Variants in MARCHF1 observed in about 807,000 individuals in gnomAD.
MARCHF1 encodes E3 ubiquitin-protein ligase MARCHF1.
In MARCHF1, 40 loss-of-function variants were observed where a neutral mutation model predicts 54.2. That is an observed-to-expected ratio of 0.74 (90% confidence interval 0.57 to 0.96). MARCHF1 has a LOEUF of 0.96. MARCHF1 is among the 40% of genes least tolerant of loss of function. MARCHF1 has a pLI of 0.00. For missense variants in MARCHF1, 586 were observed against 656.5 expected, an observed-to-expected ratio of 0.89 and a Z score of 1.17; for synonymous variants, 236 against 236.3, an observed-to-expected ratio of 1.00 and a Z score of 0.01.
intron 4 of MARCHF1, among the ~76,000 whole-genome samples, chr4:163,748,349 T>C (rs1746421178): frequency 6.6e-6 from 1 of 151,572 alleles, no homozygotes; most frequent in African/African-American, 2.4e-5. Context: ...TACATTTAAC[T>C]ATTCTAGGTC....
At chr4:163,540,358 G>A (rs1311628829) in intron 9 of MARCHF1, among the ~76,000 whole-genome samples, 2 of 152,198 alleles carry the variant, frequency 1.3e-5, no homozygotes, top group Admixed American at 1.3e-4. Context: ...GAACTACGAA[G>A]TGTGTGTATA....
intron 8 of MARCHF1, among the ~76,000 whole-genome samples, chr4:163,563,247 T>A (rs918227578): frequency 2.0e-5 from 3 of 152,230 alleles, no homozygotes; most frequent in African/African-American, 7.2e-5. Flanking sequence ...TTAACTTAAT[T>A]CTCACAACCT....
chr4:164,043,800 G>A (rs115525168), intron 2 of MARCHF1, among the ~76,000 whole-genome samples: 1,763 of 152,206 alleles, frequency 0.012, 21 homozygotes, highest in Non-Finnish European at 0.018. Context: ...CCATGCATAT[G>A]AGCATAGAAT....
At chr4:163,853,324 G>A (rs933891169) in intron 4 of MARCHF1, among the ~76,000 whole-genome samples, 2 of 152,044 alleles carry the variant, frequency 1.3e-5, no homozygotes, top group African/African-American at 4.8e-5. Context: ...TCTAATATTA[G>A]TTTAAAACTT....
intron 1 of MARCHF1, among the ~76,000 whole-genome samples, chr4:164,314,393 G>A (rs1398273975): frequency 6.6e-6 from 1 of 152,118 alleles, no homozygotes; most frequent in African/African-American, 2.4e-5. Flanking sequence ...TACCACCCAA[G>A]GTCCAATGTG....
chr4:164,114,925 C>T (rs2110745862), intron 1 of MARCHF1, among the ~76,000 whole-genome samples: 1 of 151,956 alleles, frequency 6.6e-6, no homozygotes, highest in Admixed American at 6.6e-5. Flanking sequence ...GACTACTGAC[C>T]TTCAAGAAAA....
chr4:164,239,409 T>C (rs1396040136), intron 1 of MARCHF1, among the ~76,000 whole-genome samples: 2 of 152,114 alleles, frequency 1.3e-5, no homozygotes, highest in African/African-American at 2.4e-5. Flanking sequence ...TTTAATAATT[T>C]ACCTATAGAT....
At chr4:163,897,925 G>C (rs548849228) in intron 3 of MARCHF1, among the ~76,000 whole-genome samples, 108 of 151,932 alleles carry the variant, frequency 7.1e-4, no homozygotes, top group Admixed American at 5.9e-3. Context: ...GCCAGGCATG[G>C]TGGCGGGCGC....
intron 1 of MARCHF1, among the ~76,000 whole-genome samples, chr4:164,309,261 TGTGTGTGTGTGTGTGTGTGTGTGCGC>T (rs1197235830): frequency 8.5e-5 from 12 of 141,226 alleles, no homozygotes; most frequent in Non-Finnish European, 1.8e-4. Flanking sequence ...AACCTGTGTG[TGTGTGTGTGTGTGTGTGTGTGTGCGC>T]GTGTGTGTCT....
intron 1 of MARCHF1, among the ~76,000 whole-genome samples, chr4:164,149,085 T>C (rs984646236): frequency 3.3e-5 from 5 of 152,174 alleles, no homozygotes; most frequent in African/African-American, 1.2e-4. Context: ...TAAAATCTGA[T>C]TGTTTAAAGA....
intron 1 of MARCHF1, among the ~76,000 whole-genome samples, chr4:164,291,961 T>A (rs916221400): frequency 6.6e-6 from 1 of 152,120 alleles, no homozygotes; most frequent in African/African-American, 2.4e-5. Context: ...TCAACAAATA[T>A]TATTGATGTT....
chr4:163,855,459 A>G (rs771730502), intron 3 of MARCHF1, among the ~76,000 whole-genome samples: 16 of 152,224 alleles, frequency 1.1e-4, no homozygotes, highest in Non-Finnish European at 2.4e-4. Flanking sequence ...TGCACTCTAC[A>G]GAAAGTAAAT....
chr4:163,849,412 C>A (rs954516604), intron 4 of MARCHF1, among the ~76,000 whole-genome samples: 9 of 152,064 alleles, frequency 5.9e-5, no homozygotes, highest in African/African-American at 1.9e-4. Context: ...TGGAAAGCCT[C>A]AACTGATATG....
At chr4:163,736,549 TG>T (rs10539755) in intron 4 of MARCHF1, among the ~76,000 whole-genome samples, 60,927 of 132,708 alleles carry the variant, frequency 0.46, 12,280 homozygotes, top group East Asian at 0.7. Context: ...AAGGGTTGGG[TG>T]GGGGGGGGGA....
intron 3 of MARCHF1, among the ~76,000 whole-genome samples, chr4:163,942,693 GT>G (rs1161304241): frequency 2.0e-5 from 3 of 152,098 alleles, no homozygotes; most frequent in African/African-American, 4.8e-5. Context: ...CACACAAAAT[GT>G]TTTTCCCCTA....
chr4:163,800,352 T>C, intron 4 of MARCHF1, among the ~76,000 whole-genome samples: 1 of 151,996 alleles, frequency 6.6e-6, no homozygotes, highest in African/African-American at 2.4e-5. Context: ...TTATTATTAA[T>C]TATAACGAGT....
chr4:164,267,703 A>T (rs1733644396), intron 1 of MARCHF1, among the ~76,000 whole-genome samples: 1 of 152,160 alleles, frequency 6.6e-6, no homozygotes, highest in Non-Finnish European at 1.5e-5. Context: ...CAAAGAACAC[A>T]ACTGATTTTG....
intron 2 of MARCHF1, among the ~76,000 whole-genome samples, chr4:164,098,827 A>G (rs751679127): frequency 6.6e-6 from 1 of 152,300 alleles, no homozygotes; most frequent in East Asian, 1.9e-4. Context: ...CTAGTAATGC[A>G]TTTAGACACA....
chr4:163,646,955 A>T (rs1316375654), intron 5 of MARCHF1, among the ~76,000 whole-genome samples: 1 of 152,128 alleles, frequency 6.6e-6, no homozygotes, highest in Non-Finnish European at 1.5e-5. Flanking sequence ...TATCTGATGA[A>T]AAGACAAAGT....
Sources: allele counts gnomAD v4.1 joint callset (sites outside exome capture counted in the v4.1 genomes callset), GRCh38; gene constraint gnomAD v4.1.1; transcripts MANE v1.5; gene names NCBI Gene and HGNC (gene_info 2026-07-23, HGNC 2026-07-21).